The following CTBS variants were observed in gnomAD, a reference collection of about 807,000 sequenced individuals.
The protein encoded by CTBS is chitobiase, also known as di-N-acetylchitobiase.
CTBS carries 35 observed loss-of-function variants against 44.3 expected under a neutral mutation model. The observed-to-expected ratio is 0.79, with a 90% CI of 0.60 to 1.05. The LOEUF is 1.05. Among genes scored for constraint, CTBS ranks in the 50% least tolerant of loss-of-function variants. CTBS has a pLI of 0.00. For synonymous variants in CTBS, 143 were observed against 168.0 expected, an observed-to-expected ratio of 0.85 and a Z score of 1.15; for missense variants, 458 against 475.3, an observed-to-expected ratio of 0.96 and a Z score of 0.34.
intron 6 of CTBS, among the ~76,000 whole-genome samples, chr1:84,559,674 G>A (rs1268920282): frequency 2.0e-5 from 3 of 152,058 alleles, no homozygotes; most frequent in African/African-American, 4.8e-5. Flanking sequence ...ACCTTACAAT[G>A]GGAATTTTGC....
At position 84,552,121 on chromosome 1, in the gene CTBS, A is replaced by C. The variant is rs1158828894; in HGVS notation, c.*2878T>G. The C allele has an allele frequency of 1.3e-5, 2 of 152,148 alleles. No individual in the cohort carries two copies. The highest frequency in any genetic ancestry group is 6.6e-5 in the Admixed American group (1 of 15,256). 9.4% of individuals were successfully genotyped at this position (152,148 alleles called of 1,614,324 possible). Reference sequence around the variant, plus strand: ...GATTGACACATAACAGACATTATTTAAGAAGTTTTATTGATTTCTGAATGA... The same window carrying C: ...GATTGACACATAACAGACATTATTTCAGAAGTTTTATTGATTTCTGAATGA... On this transcript the variant is annotated 3_prime_UTR_variant, in exon 7 of 7. Coordinates refer to ENST00000370630, the MANE Select transcript of CTBS (RefSeq NM_004388.3).
chr1:84,560,534 G>C (rs74095455), intron 6 of CTBS, among the ~76,000 whole-genome samples: 1 of 152,116 alleles, frequency 6.6e-6, no homozygotes, highest in Non-Finnish European at 1.5e-5. Context: ...CTCCCATGTC[G>C]GGTAAAATTA....
chr1:84,555,125 T>C lies in CTBS; in HGVS notation c.1032A>G (p.Gln344=), dbSNP rs1034087870. 7 of 1,614,034 alleles carry C rather than the reference T, an allele frequency of 4.3e-6. No homozygotes were observed. The highest frequency in any genetic ancestry group is 5.9e-6 in the Non-Finnish European group (7 of 1,179,948). The stretch of plus-strand genomic sequence containing the variant: ...TGCCAATGCCCCGTAAGCGATAGTT[T>C]TGTATATATGTTGCCTTTAAAGAAA... The part of the protein sequence containing the change: ...QSISLKATYI[Q]NYRLRGIGMW... The change falls in exon 7 of 7, where the codon CAA becomes CAG. Residue 344 remains glutamine (Q), a synonymous_variant. Transcript: ENST00000370630.
At chr1:84,570,200 A>G in intron 2 of CTBS, 61 bp from the exon 3 acceptor site, 1 of 1,428,644 alleles carries the variant, frequency 7.0e-7, no homozygotes. Context: ...ATTTTGGAAG[A>G]CTAAGCCCTT....
At position 84,550,466 on chromosome 1, in the gene CTBS, A is replaced by AT. The variant is rs1342073236; in HGVS notation, c.*4532dup. 6.4e-7 allele frequency: 1 copy of AT among 1,567,130 alleles called. No individual in the cohort carries two copies. Among genetic ancestry groups the AT allele is most frequent in the Non-Finnish European group, 8.7e-7 (1 of 1,155,296 alleles). Reference sequence around the variant, plus strand: ...ATAATCCAGATCACTGAGGTACAGCATGCAATTGACCAGCTTAAGAGAAAA... The same window carrying AT: ...ATAATCCAGATCACTGAGGTACAGCATTGCAATTGACCAGCTTAAGAGAAAA... On this transcript the variant is annotated 3_prime_UTR_variant, in exon 7 of 7. Coordinates refer to ENST00000370630, the MANE Select transcript of CTBS (RefSeq NM_004388.3).
intron 3 of CTBS, among the ~76,000 whole-genome samples, chr1:84,567,784 G>A (rs998037973): frequency 6.6e-6 from 1 of 151,954 alleles, no homozygotes; most frequent in South Asian, 2.1e-4. Flanking sequence ...CTCCCTTTGG[G>A]TGGCATCTCA....
chr1:84,565,160 C>A (rs1684667108), intron 4 of CTBS, among the ~76,000 whole-genome samples: 1 of 151,996 alleles, frequency 6.6e-6, no homozygotes, highest in Non-Finnish European at 1.5e-5. Context: ...GATCGTGCCA[C>A]TGCACTCCAG....
intron 1 of CTBS, 50 bp from the exon 2 acceptor site, chr1:84,570,770 G>A: frequency 5.1e-6 from 8 of 1,572,012 alleles, no homozygotes; most frequent in Non-Finnish European, 6.9e-6. Context: ...ATATTATGCT[G>A]ACCGTCCAAA....
At chr1:84,572,286 G>T (rs1647333383) in intron 1 of CTBS, among the ~76,000 whole-genome samples, 1 of 151,736 alleles carries the variant, frequency 6.6e-6, no homozygotes, top group Non-Finnish European at 1.5e-5. Context: ...CTAAGCAATT[G>T]CCTACTGAAA....
At chr1:84,564,493 T>C (rs1684652518) in intron 4 of CTBS, among the ~76,000 whole-genome samples, 2 of 152,244 alleles carry the variant, frequency 1.3e-5, no homozygotes, top group South Asian at 4.1e-4. Flanking sequence ...TAACCAAAAA[T>C]GGGGTGGGGT....
At position 84,574,378 on chromosome 1, in the gene CTBS, G is replaced by T. The variant is rs1201464606; in HGVS notation, c.38C>A (p.Ser13Tyr). The change falls in exon 1 of 7, where the codon TCT becomes TAT. Residue 13 changes from serine (S) to tyrosine (Y), a missense_variant. Transcript: ENST00000370630. ...RPQLRRWRLVSSPPSGVPGLA... is the reference protein window; with the variant it reads ...RPQLRRWRLVYSPPSGVPGLA... ...ACCCGGGACGCCGCTCGGCGGGCTA[G>T]AGACGAGGCGCCAGCGTCGAAGCTG... The T allele has an allele frequency of 6.4e-7, 1 of 1,564,028 alleles. No homozygotes were observed.
In CTBS at chr1:84,551,860, A is replaced by G. The variant is rs1033056057; in HGVS notation, c.*3139T>C. ...GGGTAGGTAGGAAGGAGTAATAAAA[A>G]TGCCCCCAGAGGCTTGGATTATGAC... is the stretch of plus-strand genomic sequence containing the variant. On this transcript the variant is annotated 3_prime_UTR_variant, in exon 7 of 7. Coordinates refer to ENST00000370630, the MANE Select transcript of CTBS (RefSeq NM_004388.3). 2.0e-5 allele frequency: 3 copies of G among 152,108 alleles called. No homozygotes were observed. The highest frequency in any genetic ancestry group is 7.2e-5 in the African/African-American group (3 of 41,438). 9.4% of individuals were successfully genotyped at this position (152,108 alleles called of 1,614,324 possible).
chr1:84,568,035 TCCTCAGCCTGACA>T (rs1684731075), intron 3 of CTBS, among the ~76,000 whole-genome samples: 1 of 152,140 alleles, frequency 6.6e-6, no homozygotes, highest in Non-Finnish European at 1.5e-5. Context: ...AAATGCACAG[TCCTCAGCCTGACA>T]TTCTGGATCT....
At position 84,574,416 on chromosome 1, in the gene CTBS, A is replaced by G. The variant is rs1020462048; in HGVS notation, c.-1T>C. 17 of 1,544,200 alleles carry G rather than the reference A, an allele frequency of 1.1e-5. No individual in the cohort carries two copies. The highest frequency in any genetic ancestry group is 1.4e-5 in the Non-Finnish European group (16 of 1,147,222). ...AGCGTCGAAGCTGCGGCCGGGACATAGCAGCAGGTCTAGCGGGCCGGAGTG... is the reference window on the plus strand; with the variant it reads ...AGCGTCGAAGCTGCGGCCGGGACATGGCAGCAGGTCTAGCGGGCCGGAGTG... On this transcript the variant is annotated 5_prime_UTR_variant, in exon 1 of 7. Transcript: ENST00000370630.
intron 6 of CTBS, among the ~76,000 whole-genome samples, chr1:84,556,313 A>G (rs1486585218): frequency 1.3e-5 from 2 of 152,170 alleles, no homozygotes; most frequent in African/African-American, 2.4e-5. Context: ...ACTAAAAATA[A>G]TTTACTTATT....
chr1:84,563,754 G>A lies in CTBS; in HGVS notation c.776C>T (p.Thr259Ile). The A allele has an allele frequency of 6.2e-7, 1 of 1,600,862 alleles. No individual in the cohort carries two copies. The highest frequency in any genetic ancestry group is 8.5e-7 in the Non-Finnish European group (1 of 1,172,286). ...TCCTACCTCAGACAGATTCAGGCAG[G>A]TATAATCATAACCATACCAAGGAAC... ...MGVPWYGYDY[T>I]CLNLSEDHVC... is the part of the protein sequence containing the mutation. Residue 259 changes from threonine (T) to isoleucine (I), a missense_variant, in exon 5 of 7, where the codon ACC (threonine) becomes ATC (isoleucine). Thr to Ile is a moderately conservative substitution (Grantham distance 89, BLOSUM62 -1). Coordinates refer to ENST00000370630, the MANE Select transcript of CTBS (RefSeq NM_004388.3).
intron 6 of CTBS, among the ~76,000 whole-genome samples, chr1:84,557,565 AAAG>A (rs1394211454): frequency 1.3e-5 from 2 of 149,996 alleles, no homozygotes; most frequent in East Asian, 1.9e-4. Context: ...AAAAAAAAAA[AAAG>A]AAGGAGGCTG....
Position 84,554,945 on chromosome 1 carries a change from A to G in CTBS, c.*54T>C. On this transcript the variant is annotated 3_prime_UTR_variant, in exon 7 of 7. Transcript: ENST00000370630. The stretch of plus-strand genomic sequence containing the variant: ...CAACATAATAAAAATGCAAGAAACT[A>G]GATCTGTTGATACAGATCATCTTTC... 1 of 1,348,540 alleles carries G rather than the reference A, an allele frequency of 7.4e-7. No individual in the cohort carries two copies. Among genetic ancestry groups the G allele is most frequent in the Non-Finnish European group, 1.0e-6 (1 of 959,590 alleles). The allele number at this position is 1,348,540 out of a possible 1,614,324, so 83.5% of individuals were successfully genotyped here.
intron 6 of CTBS, among the ~76,000 whole-genome samples, chr1:84,561,393 C>A (rs1684591565): frequency 6.6e-6 from 1 of 152,196 alleles, no homozygotes; most frequent in South Asian, 2.1e-4. Flanking sequence ...TGAGGAGCTA[C>A]TTCTTATGAA....
Sources: allele counts gnomAD v4.1 joint callset (sites outside exome capture counted in the v4.1 genomes callset), GRCh38; gene constraint gnomAD v4.1.1; transcripts MANE v1.5; gene names NCBI Gene and HGNC (gene_info 2026-07-23, HGNC 2026-07-21).